The following LRP12 variants were observed in gnomAD, a reference collection of about 807,000 sequenced individuals.
The protein encoded by LRP12 is low-density lipoprotein receptor-related protein 12.
A neutral mutation model predicts 66.0 loss-of-function variants in LRP12; 14 were observed. The ratio of observed to expected loss-of-function variants is 0.21; its 90% confidence interval spans 0.14 to 0.33. LRP12 has a LOEUF of 0.33. Ranked by LOEUF, LRP12 falls within the 10% of genes least tolerant of loss-of-function variation. The pLI, the probability that LRP12 is intolerant of heterozygous loss-of-function variation, is 1.00. For missense variants in LRP12, 889 were observed against 1,053.4 expected, an observed-to-expected ratio of 0.84 and a Z score of 2.16; for synonymous variants, 357 against 359.1, an observed-to-expected ratio of 0.99 and a Z score of 0.07.
rs959893876 is a variant in LRP12, at chr8:104,526,228, A to G, written c.136+5679T>C. ...CATTCCATGCTCATGGGTAGGAAGA[A>G]TCAATATCATGAAAATGGCCATACT... On this transcript the variant is annotated intron_variant, in intron 2 of 6. Coordinates refer to ENST00000276654, the MANE Select transcript of LRP12 (RefSeq NM_013437.5). Among the ~76,000 whole-genome samples, 10 of 152,118 alleles carry G rather than the reference A, an allele frequency of 6.6e-5. 1 individual carries two copies. The highest frequency in any genetic ancestry group is 2.4e-4 in the African/African-American group (10 of 41,502).
At chr8:104,545,744 G>C (rs1193560121) in intron 1 of LRP12, among the ~76,000 whole-genome samples, 1 of 152,024 alleles carries the variant, frequency 6.6e-6, no homozygotes, top group Non-Finnish European at 1.5e-5. Flanking sequence ...ATATGCACTG[G>C]AAAACCAAAA....
chr8:104,522,443 A>T (rs1345646998), intron 2 of LRP12, among the ~76,000 whole-genome samples: 1 of 152,106 alleles, frequency 6.6e-6, no homozygotes, highest in East Asian at 1.9e-4. Flanking sequence ...TACTCTGCTA[A>T]TTCAGTTAAT....
chr8:104,555,413 T>C (rs1479372822), intron 1 of LRP12, among the ~76,000 whole-genome samples: 1 of 152,186 alleles, frequency 6.6e-6, no homozygotes, highest in East Asian at 1.9e-4. Context: ...GTATCTGCTG[T>C]CTGCAAGAGA....
At chr8:104,549,512 C>T (rs1811694535) in intron 1 of LRP12, among the ~76,000 whole-genome samples, 1 of 149,588 alleles carries the variant, frequency 6.7e-6, no homozygotes, top group Non-Finnish European at 1.5e-5. Context: ...ATGCCATTCT[C>T]CTGCCTCAGC....
chr8:104,530,175 C>A (rs1232534907), intron 2 of LRP12, among the ~76,000 whole-genome samples: 1 of 152,042 alleles, frequency 6.6e-6, no homozygotes, highest in East Asian at 1.9e-4. Flanking sequence ...AAAACAAATT[C>A]TCAGTTTTAA....
intron 1 of LRP12, among the ~76,000 whole-genome samples, chr8:104,565,786 G>A (rs1490667262): frequency 4.0e-5 from 6 of 151,258 alleles, no homozygotes; most frequent in South Asian, 2.1e-4. Flanking sequence ...GCGTGAACTC[G>A]GGAGGCAGAG....
At chr8:104,563,267 T>C (rs1588506402) in intron 1 of LRP12, among the ~76,000 whole-genome samples, 1 of 152,178 alleles carries the variant, frequency 6.6e-6, no homozygotes, top group Non-Finnish European at 1.5e-5. Flanking sequence ...ACCAAATTAA[T>C]GTACTTTCCC....
At chr8:104,552,570 C>T (rs554717755) in intron 1 of LRP12, among the ~76,000 whole-genome samples, 2 of 152,058 alleles carry the variant, frequency 1.3e-5, no homozygotes, top group Non-Finnish European at 2.9e-5. Flanking sequence ...CTACTTAAGT[C>T]ATCTCATAGC....
Position 104,491,360 on chromosome 8 carries a change from A to G in LRP12, c.1893T>C (p.Ser631=), listed in dbSNP as rs1454884855. The part of the protein sequence containing the change: ...VSADGDEVVP[S]QSTSREPERN... ...TCTCAGGTTCTCTACTGGTACTCTG[A>G]CTAGGGACAACCTCATCTCCATCTG... is the stretch of plus-strand genomic sequence containing the variant. Residue 631 remains serine (S), a synonymous_variant, in exon 7 of 7, where the codon AGT becomes AGC. Transcript: ENST00000276654. 1.9e-6 allele frequency: 3 copies of G among 1,613,970 alleles called. No homozygotes were observed. Among genetic ancestry groups the G allele is most frequent in the Non-Finnish European group, 2.5e-6 (3 of 1,180,012 alleles).
intron 2 of LRP12, among the ~76,000 whole-genome samples, chr8:104,510,024 T>C (rs532518013): frequency 6.6e-6 from 1 of 152,360 alleles, no homozygotes; most frequent in African/African-American, 2.4e-5. Context: ...GAGTTCAAGA[T>C]TACTGGCTTT....
intron 1 of LRP12, chr8:104,566,357 G>T: frequency 3.9e-6 from 1 of 256,378 alleles, no homozygotes; most frequent in Non-Finnish European, 7.6e-6. Flanking sequence ...AGTCTGGTGA[G>T]GAAAATGACG....
intron 3 of LRP12, chr8:104,504,453 T>C (rs1810875167): frequency 6.6e-6 from 1 of 152,180 alleles, no homozygotes; most frequent in Non-Finnish European, 1.5e-5. Context: ...TTGTAAACTT[T>C]TCTAAGTATT....
At chr8:104,494,441 A>G (rs1810690680) in intron 6 of LRP12, among the ~76,000 whole-genome samples, 1 of 152,226 alleles carries the variant, frequency 6.6e-6, no homozygotes, top group African/African-American at 2.4e-5. Flanking sequence ...AGTTTTAATT[A>G]TAATACTGGA....
At position 104,494,930 on chromosome 8, in the gene LRP12, A is replaced by G. The variant is rs1281554535; in HGVS notation, c.1713+147T>C. 1.9e-5 allele frequency: 12 copies of G among 630,918 alleles called. No individual in the cohort carries two copies. The East Asian group carries it at 3.2e-4, about 17-fold the overall frequency. 39.1% of individuals were successfully genotyped at this position (630,918 alleles called of 1,614,324 possible). A position where few individuals can be genotyped will look rare whatever the true frequency, so the allele number is the denominator to read the frequency against. ...TTTGCAGTTTGTAGTGTTAAACTAT[A>G]ATGAAAACTATGACTTCAAATCTTC... is the stretch of plus-strand genomic sequence containing the variant. On this transcript the variant is annotated intron_variant, in intron 6 of 6. Coordinates refer to ENST00000276654, the MANE Select transcript of LRP12 (RefSeq NM_013437.5).
At chr8:104,548,218 T>C (rs1283138416) in intron 1 of LRP12, among the ~76,000 whole-genome samples, 1 of 103,608 alleles carries the variant, frequency 9.7e-6, no homozygotes, top group Non-Finnish European at 1.7e-5. Context: ...TTTATATTAA[T>C]ATATGATATA....
intron 3 of LRP12, among the ~76,000 whole-genome samples, chr8:104,503,313 C>T (rs1031396934): frequency 9.7e-6 from 1 of 102,946 alleles, no homozygotes; most frequent in Middle Eastern, 0.014. Flanking sequence ...GGTGACAAAG[C>T]GAGACTGTGT....
chr8:104,523,542 C>T (rs138999623), intron 2 of LRP12, among the ~76,000 whole-genome samples: 6 of 152,266 alleles, frequency 3.9e-5, no homozygotes, highest in East Asian at 1.9e-4. Flanking sequence ...CTGCTTAAAT[C>T]GCTGTGTGAT....
At chr8:104,507,193 G>T (rs1019479633) in intron 3 of LRP12, 5 of 152,132 alleles carry the variant, frequency 3.3e-5, no homozygotes, top group African/African-American at 1.2e-4. Flanking sequence ...ATGCAGGTGT[G>T]TCATCTTTTT....
intron 1 of LRP12, among the ~76,000 whole-genome samples, chr8:104,539,150 A>C (rs1216481155): frequency 6.6e-6 from 1 of 152,194 alleles, no homozygotes; most frequent in Non-Finnish European, 1.5e-5. Context: ...TTCATAAACA[A>C]ACACTTAGGA....
Sources: gnomAD v4.1 joint callset for allele counts (sites outside exome capture counted in the v4.1 genomes callset) on GRCh38, gnomAD v4.1.1 for gene constraint, MANE v1.5 for transcripts, NCBI Gene and HGNC (gene_info 2026-07-23, HGNC 2026-07-21) for gene names.